CCDC141: variants seen among roughly 807,000 people sequenced by gnomAD.
CCDC141 encodes the protein coiled-coil domain-containing protein 141.
A neutral mutation model predicts 181.0 loss-of-function variants in CCDC141; 168 were observed. The ratio of observed to expected loss-of-function variants is 0.93; its 90% CI spans 0.82 to 1.05. CCDC141 has a LOEUF of 1.05. Among genes scored for constraint, CCDC141 ranks in the 50% least tolerant of loss-of-function variants. The pLI is 0.00. For missense variants in CCDC141, 1,902 were observed against 1,788.5 expected, an observed-to-expected ratio of 1.06 and a Z score of -1.14; for synonymous variants, 666 against 642.3, an observed-to-expected ratio of 1.04 and a Z score of -0.56.
At chr2:179,046,077 C>T (rs907637887) in intron 2 of CCDC141, among the ~76,000 whole-genome samples, 3 of 152,164 alleles carry the variant, frequency 2.0e-5, no homozygotes, top group African/African-American at 4.8e-5. Flanking sequence ...ATCTAGAAAG[C>T]AAGTATGAAT....
At chr2:179,009,208 G>A (rs904454998) in intron 2 of CCDC141, among the ~76,000 whole-genome samples, 1 of 151,970 alleles carries the variant, frequency 6.6e-6, no homozygotes, top group African/African-American at 2.4e-5. Context: ...CCTTTTCCTT[G>A]TAACTATATT....
intron 4 of CCDC141, among the ~76,000 whole-genome samples, chr2:178,962,535 C>T (rs1437885058): frequency 2.6e-5 from 4 of 152,130 alleles, no homozygotes; most frequent in South Asian, 4.1e-4. Context: ...TCTATCAATG[C>T]ACCAGACTTT....
At chr2:178,827,721 G>A (rs1373183041), downstream of CCDC141, among the ~76,000 whole-genome samples, 1 of 152,052 alleles carries the variant, frequency 6.6e-6, no homozygotes, top group Non-Finnish European at 1.5e-5. Flanking sequence ...AATGGTCTCT[G>A]GGAATTTTAT....
chr2:178,864,696 C>T (rs976157588), intron 17 of CCDC141, among the ~76,000 whole-genome samples: 2 of 152,148 alleles, frequency 1.3e-5, no homozygotes, highest in African/African-American at 4.8e-5. Flanking sequence ...AAATGTGTGG[C>T]CTACAGGAAC....
Position 178,832,330 on chromosome 2 carries a change from A to C in CCDC141, c.*1843T>G, listed in dbSNP as rs536043789. ...GAAACCTGGTTTCTACTAAAAATGT[A>C]AATATTAGGTAGGCATGCCTGTAAT... On this transcript the variant is annotated 3_prime_UTR_variant, in exon 24 of 24. Transcript: ENST00000443758. 82 of 152,062 alleles carry C rather than the reference A, an allele frequency of 5.4e-4. No individual in the cohort carries two copies. The highest frequency in any genetic ancestry group is 2.0e-3 in the African/African-American group (81 of 41,478). The allele number at this position is 152,062 out of a possible 1,614,324, so 9.4% of individuals were successfully genotyped here. A position where few individuals can be genotyped will look rare whatever the true frequency, so the allele number is the denominator to read the frequency against.
chr2:178,819,158 A>T, the CCDC141 span, among the ~76,000 whole-genome samples: 33 of 152,336 alleles, frequency 2.2e-4, no homozygotes, highest in East Asian at 4.8e-3. Context: ...CTACGCATGT[A>T]GCCATTGATT....
intron 2 of CCDC141, among the ~76,000 whole-genome samples, chr2:179,008,891 G>T (rs1211259746): frequency 1.3e-5 from 2 of 152,256 alleles, no homozygotes; most frequent in Non-Finnish European, 2.9e-5. Flanking sequence ...GCTATCACTT[G>T]TCAATGATTA....
chr2:178,997,733 G>A (rs1411815785), intron 2 of CCDC141, among the ~76,000 whole-genome samples: 2 of 152,086 alleles, frequency 1.3e-5, no homozygotes, highest in Non-Finnish European at 2.9e-5. Context: ...GAAAACCATT[G>A]ATAACACCCT....
At chr2:179,024,531 A>T (rs2042778253) in intron 2 of CCDC141, among the ~76,000 whole-genome samples, 1 of 152,236 alleles carries the variant, frequency 6.6e-6, no homozygotes. Flanking sequence ...GTCTGTCATG[A>T]AACACATACT....
intron 2 of CCDC141, among the ~76,000 whole-genome samples, chr2:178,995,865 C>T (rs149300202): frequency 1.7e-4 from 26 of 152,162 alleles, no homozygotes; most frequent in Non-Finnish European, 3.1e-4. Flanking sequence ...AGTTTTAGAC[C>T]ATAGTAAGGG....
intron 2 of CCDC141, among the ~76,000 whole-genome samples, chr2:178,995,008 A>G (rs1692218922): frequency 6.6e-6 from 1 of 152,222 alleles, no homozygotes; most frequent in African/African-American, 2.4e-5. Flanking sequence ...ACTAGTTTCT[A>G]GGAAGTTCCA....
At chr2:178,981,907 G>A (rs1691430634) in intron 2 of CCDC141, among the ~76,000 whole-genome samples, 1 of 150,186 alleles carries the variant, frequency 6.7e-6, no homozygotes, top group African/African-American at 2.4e-5. Context: ...GGCTAATCAA[G>A]AAAGAAAGAA....
intron 2 of CCDC141, among the ~76,000 whole-genome samples, chr2:179,043,272 C>G (rs1455826283): frequency 2.0e-5 from 3 of 152,160 alleles, no homozygotes; most frequent in Non-Finnish European, 2.9e-5. Flanking sequence ...GGTGGATTCA[C>G]AGTTGACTTC....
intron 17 of CCDC141, among the ~76,000 whole-genome samples, chr2:178,859,145 C>T (rs1393260259): frequency 1.3e-5 from 2 of 152,180 alleles, no homozygotes; most frequent in African/African-American, 2.4e-5. Flanking sequence ...GTTGCTGGCA[C>T]TTTTCTCTTT....
chr2:178,927,280 A>G (rs1485323941), intron 6 of CCDC141, among the ~76,000 whole-genome samples: 1 of 152,182 alleles, frequency 6.6e-6, no homozygotes, highest in Non-Finnish European at 1.5e-5. Flanking sequence ...TCCTACACTG[A>G]ATGTGGAACC....
intron 2 of CCDC141, among the ~76,000 whole-genome samples, chr2:178,984,104 A>C (rs1691585587): frequency 6.6e-6 from 1 of 152,236 alleles, no homozygotes; most frequent in Middle Eastern, 3.2e-3. Flanking sequence ...CCATCAGACT[A>C]ACAGTGGATC....
At chr2:178,929,690 A>G (rs1468166197) in intron 6 of CCDC141, among the ~76,000 whole-genome samples, 1 of 152,140 alleles carries the variant, frequency 6.6e-6, no homozygotes, top group Non-Finnish European at 1.5e-5. Flanking sequence ...TCAAAGATTT[A>G]TTTTGACTTA....
chr2:178,836,778 A>C (rs1684491713), intron 23 of CCDC141, 116 bp downstream of exon 23: 1 of 1,088,872 alleles, frequency 9.2e-7, no homozygotes, highest in Admixed American at 2.5e-5. Flanking sequence ...GCAGAGTTGC[A>C]GTGTCATAGA....
At chr2:178,986,430 C>T (rs1691742970) in intron 2 of CCDC141, among the ~76,000 whole-genome samples, 1 of 152,176 alleles carries the variant, frequency 6.6e-6, no homozygotes, top group African/African-American at 2.4e-5. Flanking sequence ...CCTCTGTCAC[C>T]ACTCCTATTC....
Sources: allele counts gnomAD v4.1 joint callset (sites outside exome capture counted in the v4.1 genomes callset), GRCh38; gene constraint gnomAD v4.1.1; transcripts MANE v1.5; gene names NCBI Gene and HGNC (gene_info 2026-07-23, HGNC 2026-07-21).